JAZF1: variants seen among roughly 807,000 people sequenced by gnomAD.
JAZF1 encodes JAZF zinc finger 1.
JAZF1 carries 8 observed loss-of-function variants against 26.4 expected under a neutral mutation model. That is an observed-to-expected ratio of 0.30 (90% confidence interval 0.18 to 0.55). The LOEUF (loss-of-function observed/expected upper bound fraction) is 0.55. JAZF1 is among the 20% of genes least tolerant of loss of function. The probability of loss-of-function intolerance (pLI) is 0.94; values close to 1 mark genes in which losing one functional copy is unlikely to be tolerated. For synonymous variants in JAZF1, 126 were observed against 122.3 expected (o/e 1.03, Z -0.20); for missense variants, 199 against 322.0 (o/e 0.62, Z 2.92).
intron 2 of JAZF1, among the ~76,000 whole-genome samples, chr7:27,961,008 C>A (rs563389542): frequency 5.1e-4 from 77 of 152,306 alleles, no homozygotes; most frequent in African/African-American, 1.8e-3. Flanking sequence ...TCAATCAAAC[C>A]TCTTCATCAA....
At chr7:28,100,762 AT>A (rs78285103) in intron 1 of JAZF1, among the ~76,000 whole-genome samples, 16,644 of 152,192 alleles carry the variant, frequency 0.11, 1,313 homozygotes, top group East Asian at 0.41. Flanking sequence ...ATGTGCTGAA[AT>A]TCTGAGAAGC....
chr7:27,939,115 T>C (rs1744746619), intron 2 of JAZF1, among the ~76,000 whole-genome samples: 2 of 152,216 alleles, frequency 1.3e-5, no homozygotes, highest in African/African-American at 2.4e-5. Context: ...AAGTAGCAGC[T>C]GGCCATGAGG....
At chr7:27,929,994 C>T (rs564959069) in intron 2 of JAZF1, among the ~76,000 whole-genome samples, 3 of 150,776 alleles carry the variant, frequency 2.0e-5, no homozygotes, top group African/African-American at 4.9e-5. Flanking sequence ...CTCTCTCTCT[C>T]TCTTTCTTTC....
chr7:28,177,457 C>T (rs1783565319), intron 1 of JAZF1, among the ~76,000 whole-genome samples: 1 of 152,070 alleles, frequency 6.6e-6, no homozygotes, highest in Non-Finnish European at 1.5e-5. Flanking sequence ...AAAACACAGG[C>T]CTTGAAAAAT....
chr7:28,015,927 C>T (rs969472051), intron 1 of JAZF1, among the ~76,000 whole-genome samples: 1 of 152,168 alleles, frequency 6.6e-6, no homozygotes, highest in Non-Finnish European at 1.5e-5. Context: ...TGCCTCTCCC[C>T]TCACACCCAC....
intron 4 of JAZF1, among the ~76,000 whole-genome samples, chr7:27,837,933 G>C (rs1225095664): frequency 2.6e-5 from 4 of 151,702 alleles, no homozygotes; most frequent in Non-Finnish European, 5.9e-5. Context: ...GAGGACTTCA[G>C]ACTCTTATTG....
At chr7:27,983,542 G>C (rs1219799425) in intron 2 of JAZF1, among the ~76,000 whole-genome samples, 1 of 152,130 alleles carries the variant, frequency 6.6e-6, no homozygotes, top group Middle Eastern at 3.2e-3. Flanking sequence ...TATTATCCAG[G>C]AGAACTTCCC....
At chr7:28,032,614 C>A (rs1346660564) in intron 1 of JAZF1, among the ~76,000 whole-genome samples, 1 of 152,100 alleles carries the variant, frequency 6.6e-6, no homozygotes, top group African/African-American at 2.4e-5. Context: ...GAAACCTTAT[C>A]TTCACTTTAA....
intron 2 of JAZF1, among the ~76,000 whole-genome samples, chr7:27,981,420 A>T (rs1785582793): frequency 6.6e-6 from 1 of 152,200 alleles, no homozygotes; most frequent in Admixed American, 6.5e-5. Context: ...GCTAGACTAG[A>T]CTGACCAGCT....
Position 28,032,628 on chromosome 7 carries a change from G to C in JAZF1, c.116-40647C>G, listed in dbSNP as rs141136862. Among the ~76,000 whole-genome samples, 268 of 152,218 alleles carry C rather than the reference G, an allele frequency of 1.8e-3. 8 individuals carry two copies. The East Asian group carries it at 0.041, about 23-fold the overall frequency. On this transcript the variant is annotated intron_variant, in intron 1 of 4. Coordinates refer to ENST00000283928, the MANE Select transcript of JAZF1 (RefSeq NM_175061.4). ...TGAAACCTTATCTTCACTTTAATAA[G>C]AATTTGCCCAATATATTTAGAATAT...
At chr7:28,148,705 T>C (rs1783064092) in intron 1 of JAZF1, among the ~76,000 whole-genome samples, 1 of 152,226 alleles carries the variant, frequency 6.6e-6, no homozygotes. Context: ...TTCTTAAGGT[T>C]AGAGATCTTT....
intron 1 of JAZF1, among the ~76,000 whole-genome samples, chr7:28,108,695 T>G (rs1784593141): frequency 6.6e-6 from 1 of 152,196 alleles, no homozygotes; most frequent in African/African-American, 2.4e-5. Flanking sequence ...GCAACCCCAC[T>G]TCTGGATAGA....
At chr7:28,137,125 T>C (rs1022264422) in intron 1 of JAZF1, among the ~76,000 whole-genome samples, 35 of 152,106 alleles carry the variant, frequency 2.3e-4, no homozygotes, top group Admixed American at 2.1e-3. Context: ...ACAGTTACCA[T>C]GGTAGGGTAG....
chr7:28,045,053 G>A (rs963688756), intron 1 of JAZF1, among the ~76,000 whole-genome samples: 7 of 152,048 alleles, frequency 4.6e-5, no homozygotes, highest in Non-Finnish European at 1.5e-5. Flanking sequence ...TAGCCTAAGG[G>A]GCAGGCAGGA....
intron 1 of JAZF1, among the ~76,000 whole-genome samples, chr7:28,072,607 A>G (rs2127911134): frequency 6.6e-6 from 1 of 152,372 alleles, no homozygotes; most frequent in South Asian, 2.1e-4. Flanking sequence ...AAAATTAGAA[A>G]AGATAAACTA....
At chr7:28,008,146 A>G (rs1232404069) in intron 1 of JAZF1, among the ~76,000 whole-genome samples, 1 of 152,224 alleles carries the variant, frequency 6.6e-6, no homozygotes, top group Admixed American at 6.5e-5. Flanking sequence ...CTGTGAAAAG[A>G]TAATGATATA....
intron 1 of JAZF1, among the ~76,000 whole-genome samples, chr7:28,132,788 A>T (rs1562598149): frequency 1.3e-5 from 2 of 152,214 alleles, no homozygotes; most frequent in Non-Finnish European, 2.9e-5. Flanking sequence ...GTTAGCTCTC[A>T]ATGTATAAAT....
chr7:27,939,397 G>C (rs746404748), intron 2 of JAZF1, among the ~76,000 whole-genome samples: 1 of 152,186 alleles, frequency 6.6e-6, no homozygotes, highest in Non-Finnish European at 1.5e-5. Flanking sequence ...AGGACAGGAG[G>C]GAGGCCTTGC....
intron 3 of JAZF1, among the ~76,000 whole-genome samples, chr7:27,854,831 T>C (rs1452180669): frequency 6.6e-6 from 1 of 152,198 alleles, no homozygotes; most frequent in Non-Finnish European, 1.5e-5. Context: ...ATCTGACAAT[T>C]ATGTGTCTTG....
Sources: allele counts gnomAD v4.1 joint callset (sites outside exome capture counted in the v4.1 genomes callset), GRCh38; gene constraint gnomAD v4.1.1; transcripts MANE v1.5; gene names NCBI Gene and HGNC (gene_info 2026-07-23, HGNC 2026-07-21).